The following CCDC171 variants were observed in gnomAD, a reference collection of about 807,000 sequenced individuals.
CCDC171 encodes the protein coiled-coil domain containing 171, also known as coiled-coil domain-containing protein 171.
Under a neutral mutation model 168.2 loss-of-function variants are expected in CCDC171, and 177 were observed. The observed-to-expected ratio is 1.05, with a 90% CI of 0.93 to 1.19. The LOEUF is 1.19. CCDC171 is among the 50% of genes most tolerant of loss of function. The pLI, the probability that CCDC171 is intolerant of heterozygous loss-of-function variation, is 0.00. For missense variants in CCDC171, 1,991 were observed against 1,539.0 expected (o/e 1.29, Z -4.91); for synonymous variants, 687 against 540.8 (o/e 1.27, Z -3.75).
At chr9:16,035,662 T>C (rs986207911) in intron 7 of CCDC171, 8 of 152,240 alleles carry the variant, frequency 5.3e-5, no homozygotes, top group African/African-American at 1.4e-4. Context: ...TTTACCTTTC[T>C]GTGAGCATGG....
chr9:16,101,746 A>G, the CCDC171 span, among the ~76,000 whole-genome samples: 1 of 152,242 alleles, frequency 6.6e-6, no homozygotes, highest in Non-Finnish European at 1.5e-5. Flanking sequence ...AAGAGTGGTC[A>G]GCCCCTAGGA....
chr9:15,711,269 C>T lies in CCDC171; in HGVS notation c.1319-10500C>T, dbSNP rs185732100. Among the ~76,000 whole-genome samples, 191 of 152,226 alleles carry T rather than the reference C, an allele frequency of 1.3e-3. 1 individual carries two copies. The highest frequency in any genetic ancestry group is 0.01 in the Middle Eastern group (3 of 294). ...AATTGAAGGCTTGATTAAGGCTTGG[C>T]CTCTGATTTTCTTTAAAATTGTATA... On this transcript the variant is annotated intron_variant, in intron 11 of 25. Transcript: ENST00000380701.
In CCDC171 at chr9:15,723,731, C is replaced by T. The variant is rs774537952; in HGVS notation, c.1476C>T (p.His492=). ...CTACGAAACAGAAGATAGACTCTCA[C>T]ACTAAAAATATAAAGGTATTATTTA... ...LDSTKQKIDS[H]TKNIKELQDK... Residue 492 remains histidine, a synonymous_variant, in exon 13 of 26, where the codon CAC becomes CAT. Transcript: ENST00000380701. 3.3e-6 allele frequency: 5 copies of T among 1,523,128 alleles called. No homozygotes were observed. The highest frequency in any genetic ancestry group is 2.3e-5 in the South Asian group (2 of 85,730). The allele number at this position is 1,523,128 out of a possible 1,614,324, so 94.4% of individuals were successfully genotyped here.
intron 4 of CCDC171, among the ~76,000 whole-genome samples, chr9:15,583,752 C>G (rs899696330): frequency 4.6e-5 from 7 of 151,766 alleles, no homozygotes; most frequent in Admixed American, 3.9e-4. Context: ...CAACCGAACA[C>G]CATCTGTTCC....
chr9:16,073,789 G>C, the CCDC171 span, among the ~76,000 whole-genome samples: 1 of 152,110 alleles, frequency 6.6e-6, no homozygotes, highest in Non-Finnish European at 1.5e-5. Context: ...CAGTATTCCT[G>C]GGTTAGTCTT....
intron 3 of CCDC171, among the ~76,000 whole-genome samples, chr9:15,576,080 A>T (rs2040629386): frequency 7.2e-6 from 1 of 138,048 alleles, no homozygotes; most frequent in South Asian, 2.5e-4. Flanking sequence ...CAACAGAGCG[A>T]GACTCTGTCT....
At chr9:16,084,896 A>C in the CCDC171 span, among the ~76,000 whole-genome samples, 18 of 152,114 alleles carry the variant, frequency 1.2e-4, no homozygotes, top group African/African-American at 4.1e-4. Context: ...TCCAATCCAA[A>C]CTGGTAACCA....
chr9:15,850,962 G>T (rs56679179), intron 23 of CCDC171, among the ~76,000 whole-genome samples: 4,111 of 151,984 alleles, frequency 0.027, 185 homozygotes, highest in African/African-American at 0.095. Flanking sequence ...TTTTAAACAC[G>T]TGTGTTTTCA....
At chr9:15,631,734 C>G in intron 7 of CCDC171, among the ~76,000 whole-genome samples, 1 of 152,202 alleles carries the variant, frequency 6.6e-6, no homozygotes, top group East Asian at 1.9e-4. Flanking sequence ...GAATTTTAGA[C>G]CACTATCCTT....
At chr9:15,759,218 G>T (rs114705186) in intron 18 of CCDC171, among the ~76,000 whole-genome samples, 4,232 of 152,144 alleles carry the variant, frequency 0.028, 223 homozygotes, top group African/African-American at 0.097. Flanking sequence ...CATTTAAAAT[G>T]TGATATAAAA....
intron 25 of CCDC171, among the ~76,000 whole-genome samples, chr9:15,960,720 G>A (rs906548464): frequency 2.0e-5 from 3 of 152,078 alleles, no homozygotes; most frequent in Non-Finnish European, 1.5e-5. Flanking sequence ...TGATTTGAAG[G>A]CATTCTGCAG....
chr9:16,069,771 A>T, the CCDC171 span, among the ~76,000 whole-genome samples: 22 of 152,178 alleles, frequency 1.4e-4, no homozygotes, highest in Middle Eastern at 0.014. Context: ...TGCTGTTCAC[A>T]CCCCCACTCG....
At chr9:15,612,450 T>C (rs2043767390) in intron 6 of CCDC171, among the ~76,000 whole-genome samples, 1 of 152,214 alleles carries the variant, frequency 6.6e-6, no homozygotes, top group African/African-American at 2.4e-5. Context: ...GGAGAGATGA[T>C]TAGCTATGTT....
intron 16 of CCDC171, among the ~76,000 whole-genome samples, chr9:15,741,777 T>G (rs2134574937): frequency 6.6e-6 from 1 of 152,298 alleles, no homozygotes; most frequent in South Asian, 2.1e-4. Context: ...TGTTGCCTAG[T>G]TGTACTGGCT....
At chr9:15,969,480 T>C (rs988993598) in intron 25 of CCDC171, among the ~76,000 whole-genome samples, 2 of 152,198 alleles carry the variant, frequency 1.3e-5, no homozygotes, top group Non-Finnish European at 2.9e-5. Flanking sequence ...CAGTTTGGCA[T>C]AGTTACCTTT....
At position 15,907,465 on chromosome 9, in the gene CCDC171, C is replaced by G. The variant is rs1422750465; in HGVS notation, c.3601-12805C>G. 2.6e-5 allele frequency among the ~76,000 whole-genome samples: 4 copies of G among 152,214 alleles called. No homozygotes were observed. The East Asian group carries it at 5.8e-4, about 22-fold the overall frequency. ...AAACTGGCTAGCCATATGTAGAAAG[C>G]TGAAGCTGGATCCCTTCCTTACACC... On this transcript the variant is annotated intron_variant, in intron 24 of 25. Coordinates refer to ENST00000380701, the MANE Select transcript of CCDC171 (RefSeq NM_173550.4).
chr9:15,879,818 TC>T (rs1426302524), intron 24 of CCDC171, among the ~76,000 whole-genome samples: 1 of 152,100 alleles, frequency 6.6e-6, no homozygotes, highest in Non-Finnish European at 1.5e-5. Context: ...TTCTCTTTTT[TC>T]CCCTGGAATA....
At chr9:16,054,856 G>T (rs1240322458) in intron 1 of CCDC171, among the ~76,000 whole-genome samples, 1 of 152,136 alleles carries the variant, frequency 6.6e-6, no homozygotes, top group Non-Finnish European at 1.5e-5. Flanking sequence ...AATGAGCATT[G>T]TTGTGACAAC....
At chr9:15,686,547 T>C (rs1239166524) in intron 10 of CCDC171, among the ~76,000 whole-genome samples, 10 of 151,632 alleles carry the variant, frequency 6.6e-5, no homozygotes, top group Non-Finnish European at 1.2e-4. Context: ...AGATAATATA[T>C]GTATCAAAAT....
Sources: allele counts gnomAD v4.1 joint callset (sites outside exome capture counted in the v4.1 genomes callset), GRCh38; gene constraint gnomAD v4.1.1; transcripts MANE v1.5; gene names NCBI Gene and HGNC (gene_info 2026-07-23, HGNC 2026-07-21).